KCMF1: variants seen among roughly 807,000 people sequenced by gnomAD.
KCMF1 encodes potassium channel modulatory factor 1.
A neutral mutation model predicts 41.1 loss-of-function variants in KCMF1; 3 were observed. That is an observed-to-expected ratio of 0.07 (90% CI 0.03 to 0.19). The LOEUF is 0.19. Among genes scored for constraint, KCMF1 ranks in the 10% least tolerant of loss-of-function variants. KCMF1 has a pLI of 1.00. For synonymous variants in KCMF1, 142 were observed against 164.5 expected (o/e 0.86, Z 1.04); for missense variants, 286 against 488.9 (o/e 0.58, Z 3.91).
intron 1 of KCMF1, among the ~76,000 whole-genome samples, chr2:84,976,294 C>T (rs1176928552): frequency 6.6e-6 from 1 of 151,700 alleles, no homozygotes; most frequent in Non-Finnish European, 1.5e-5. Context: ...ACATCCTCCA[C>T]CTCCTGTGTT....
intron 1 of KCMF1, among the ~76,000 whole-genome samples, chr2:85,001,179 A>G (rs1251024307): frequency 6.8e-6 from 1 of 146,348 alleles, no homozygotes; most frequent in East Asian, 2.1e-4. Context: ...TTTTTTTGAG[A>G]CAGGGTCTCT....
At chr2:84,995,456 G>A (rs1674154247) in intron 1 of KCMF1, among the ~76,000 whole-genome samples, 2 of 152,146 alleles carry the variant, frequency 1.3e-5, no homozygotes, top group Admixed American at 1.3e-4. Flanking sequence ...ATAAGAATAT[G>A]AGTGTTATAC....
intron 1 of KCMF1, among the ~76,000 whole-genome samples, chr2:84,996,752 CTT>C (rs1239449260): frequency 2.6e-5 from 4 of 152,046 alleles, no homozygotes; most frequent in Non-Finnish European, 5.9e-5. Context: ...CTAAAAGTCT[CTT>C]TAAAAATTAT....
intron 1 of KCMF1, among the ~76,000 whole-genome samples, chr2:85,013,282 A>G (rs1273491290): frequency 6.6e-6 from 1 of 152,238 alleles, no homozygotes; most frequent in East Asian, 1.9e-4. Flanking sequence ...TGGTCTTAAA[A>G]TATAGACCCA....
intron 3 of KCMF1, among the ~76,000 whole-genome samples, chr2:85,037,293 C>T (rs1467650378): frequency 6.6e-6 from 1 of 152,128 alleles, no homozygotes; most frequent in Non-Finnish European, 1.5e-5. Flanking sequence ...TACACCTAGA[C>T]ATTTCAAAGT....
intron 1 of KCMF1, among the ~76,000 whole-genome samples, chr2:84,991,884 A>G (rs1674049267): frequency 6.6e-6 from 1 of 152,192 alleles, no homozygotes; most frequent in African/African-American, 2.4e-5. Context: ...CATGACTCAT[A>G]TTTCAACCCA....
At chr2:85,017,995 T>C (rs1674824983) in intron 1 of KCMF1, among the ~76,000 whole-genome samples, 1 of 152,196 alleles carries the variant, frequency 6.6e-6, no homozygotes, top group South Asian at 2.1e-4. Context: ...ACAAGATATA[T>C]GCTGATAATA....
chr2:85,001,328 T>G (rs111267583), intron 1 of KCMF1, among the ~76,000 whole-genome samples: 2,657 of 151,886 alleles, frequency 0.017, 64 homozygotes, highest in African/African-American at 0.061. Flanking sequence ...CAGCTAATTT[T>G]TGTATTTTTT....
chr2:84,974,370 A>G (rs1673478412), intron 1 of KCMF1, among the ~76,000 whole-genome samples: 1 of 151,914 alleles, frequency 6.6e-6, no homozygotes, highest in South Asian at 2.1e-4. Context: ...AAATCCTATG[A>G]TTTTATTAAT....
intron 4 of KCMF1, among the ~76,000 whole-genome samples, chr2:85,044,404 T>C (rs890178541): frequency 6.6e-6 from 1 of 152,150 alleles, no homozygotes; most frequent in Non-Finnish European, 1.5e-5. Context: ...AGTCGGAGTC[T>C]TGCTCTGTCA....
At chr2:85,037,494 A>G (rs1275724099) in intron 3 of KCMF1, among the ~76,000 whole-genome samples, 1 of 152,192 alleles carries the variant, frequency 6.6e-6, no homozygotes, top group East Asian at 1.9e-4. Context: ...GCCTCTCTGC[A>G]TATATGTGAA....
chr2:85,027,486 T>C (rs1416060084), intron 1 of KCMF1, among the ~76,000 whole-genome samples: 1 of 148,144 alleles, frequency 6.8e-6, no homozygotes, highest in African/African-American at 2.5e-5. Context: ...GCAATTCTCA[T>C]GCCTCAGCCT....
intron 6 of KCMF1, among the ~76,000 whole-genome samples, chr2:85,052,079 C>CT (rs1344721800): frequency 6.6e-6 from 1 of 152,078 alleles, no homozygotes. Flanking sequence ...TCAGATCGGT[C>CT]TTTTTTTGAG....
rs186810382 is a variant in KCMF1, at chr2:85,034,638, C to T, written c.185-378C>T. On this transcript the variant is annotated intron_variant, in intron 2 of 6. Transcript: ENST00000409785. ...ACCTAAGCACTCCTTGATCACGTGACGTTGTTGAATATTTTAGGCACACTT... is the reference window on the plus strand; with the variant it reads ...ACCTAAGCACTCCTTGATCACGTGATGTTGTTGAATATTTTAGGCACACTT... Among the ~76,000 whole-genome samples the T allele has an allele frequency of 1.3e-4, 20 of 152,218 alleles. No individual in the cohort carries two copies. In the East Asian group the frequency reaches 1.5e-3, roughly 12 times the overall value.
Position 85,028,065 on chromosome 2 carries a change from T to C in KCMF1, c.184+9T>C. Reference sequence around the variant, plus strand: ...AACAAGGGTAGATTTTGGTAAGTAATTAAAAATTTAATGAATTACATCATT... The same window carrying C: ...AACAAGGGTAGATTTTGGTAAGTAACTAAAAATTTAATGAATTACATCATT... On this transcript the variant is annotated intron_variant, in intron 2 of 6. Transcript: ENST00000409785. 6.5e-7 allele frequency: 1 copy of C among 1,538,606 alleles called. No individual in the cohort carries two copies.
chr2:85,031,589 G>A (rs1468841176), intron 2 of KCMF1, among the ~76,000 whole-genome samples: 3 of 152,190 alleles, frequency 2.0e-5, no homozygotes, highest in African/African-American at 7.2e-5. Flanking sequence ...CACGTTTAAT[G>A]TAGACTAGGC....
intron 3 of KCMF1, among the ~76,000 whole-genome samples, chr2:85,035,918 G>A (rs569493499): frequency 6.6e-6 from 1 of 152,258 alleles, no homozygotes; most frequent in South Asian, 2.1e-4. Context: ...ATTGCATATT[G>A]CATCAACTAA....
chr2:84,997,667 C>T (rs770357274), intron 1 of KCMF1, among the ~76,000 whole-genome samples: 2 of 151,826 alleles, frequency 1.3e-5, no homozygotes, highest in Non-Finnish European at 2.9e-5. Context: ...GTTATTGTGC[C>T]TCATCTATAA....
At chr2:84,981,347 T>G (rs536580421) in intron 1 of KCMF1, among the ~76,000 whole-genome samples, 65 of 151,908 alleles carry the variant, frequency 4.3e-4, no homozygotes, top group African/African-American at 1.5e-3. Flanking sequence ...CTGCCACCGC[T>G]CCCGGCTAAT....
Sources: gnomAD v4.1 joint callset for allele counts (sites outside exome capture counted in the v4.1 genomes callset) on GRCh38, gnomAD v4.1.1 for gene constraint, MANE v1.5 for transcripts, NCBI Gene and HGNC (gene_info 2026-07-23, HGNC 2026-07-21) for gene names.